The following ITPR1 variants were observed in gnomAD, a reference collection of about 807,000 sequenced individuals.
ITPR1 encodes the protein inositol 1,4,5-trisphosphate receptor type 1.
In ITPR1, 96 loss-of-function variants were observed where a neutral mutation model predicts 318.4. The observed-to-expected ratio is 0.30, with a 90% CI of 0.26 to 0.36. The LOEUF is 0.36. Ranked by LOEUF, ITPR1 falls within the 10% of genes least tolerant of loss-of-function variation. The pLI is 1.00. For missense variants in ITPR1, 2,440 were observed against 3,460.2 expected, an observed-to-expected ratio of 0.71 and a Z score of 7.40; for synonymous variants, 1,312 against 1,289.9, an observed-to-expected ratio of 1.02 and a Z score of -0.37.
intron 24 of ITPR1, among the ~76,000 whole-genome samples, chr3:4,679,991 C>T (rs2094265026): frequency 6.6e-6 from 1 of 152,092 alleles, no homozygotes; most frequent in Non-Finnish European, 1.5e-5. Flanking sequence ...CTTTTTGGTT[C>T]TAGCAGCAAT....
chr3:4,823,930 A>G (rs1433518321), intron 60 of ITPR1, among the ~76,000 whole-genome samples: 1 of 152,208 alleles, frequency 6.6e-6, no homozygotes, highest in African/African-American at 2.4e-5. Flanking sequence ...TTTCACTTCT[A>G]TATGTTGGAA....
intron 10 of ITPR1, among the ~76,000 whole-genome samples, chr3:4,650,606 A>AGTGTGT (rs1177734281): frequency 1.7e-4 from 23 of 137,388 alleles, no homozygotes; most frequent in African/African-American, 4.3e-4. Context: ...GATATGCCTT[A>AGTGTGT]GTGTGTGTGT....
intron 33 of ITPR1, among the ~76,000 whole-genome samples, chr3:4,695,035 T>C (rs2125251906): frequency 6.6e-6 from 1 of 152,366 alleles, no homozygotes; most frequent in East Asian, 1.9e-4. Flanking sequence ...CACTGTAACT[T>C]CTTTTCATAT....
intron 5 of ITPR1, 124 bp downstream of exon 5, chr3:4,628,002 T>C: frequency 1.6e-6 from 1 of 612,138 alleles, no homozygotes; most frequent in Non-Finnish European, 2.8e-6. Flanking sequence ...TTCTACTTTT[T>C]TTTTCGTGAA....
intron 4 of ITPR1, among the ~76,000 whole-genome samples, chr3:4,531,758 C>T (rs886666358): frequency 1.3e-5 from 2 of 152,162 alleles, no homozygotes; most frequent in African/African-American, 4.8e-5. Context: ...CCTGGACCCC[C>T]CAGTCTTTCT....
intron 44 of ITPR1, among the ~76,000 whole-genome samples, chr3:4,759,709 T>C (rs2045295815): frequency 6.6e-6 from 1 of 152,202 alleles, no homozygotes; most frequent in Non-Finnish European, 1.5e-5. Context: ...TATCCTAAGA[T>C]GGTGTTTTGG....
intron 7 of ITPR1, among the ~76,000 whole-genome samples, chr3:4,642,462 A>G (rs1455246588): frequency 1.3e-5 from 2 of 152,200 alleles, no homozygotes; most frequent in Non-Finnish European, 1.5e-5. Context: ...TTCCTCCTGG[A>G]TGTCTGAAAA....
At chr3:4,509,796 C>T (rs1376235683) in intron 2 of ITPR1, among the ~76,000 whole-genome samples, 1 of 152,118 alleles carries the variant, frequency 6.6e-6, no homozygotes, top group Non-Finnish European at 1.5e-5. Flanking sequence ...GACCATAACT[C>T]TAAAAAACAA....
intron 61 of ITPR1, among the ~76,000 whole-genome samples, chr3:4,843,738 G>A (rs936763075): frequency 3.9e-5 from 6 of 152,200 alleles, no homozygotes; most frequent in South Asian, 4.1e-4. Context: ...GGGACGGAGG[G>A]AGGGTGGGCG....
intron 51 of ITPR1, among the ~76,000 whole-genome samples, chr3:4,784,980 T>C (rs997034767): frequency 1.2e-4 from 18 of 152,160 alleles, no homozygotes; most frequent in African/African-American, 4.3e-4. Flanking sequence ...ATCTAGGGAA[T>C]GCTCAAATTA....
intron 53 of ITPR1, among the ~76,000 whole-genome samples, chr3:4,797,536 G>A (rs750464060): frequency 2.6e-5 from 4 of 152,090 alleles, no homozygotes; most frequent in Non-Finnish European, 4.4e-5. Context: ...AAGTATCACC[G>A]CCCCTCCACC....
chr3:4,600,464 T>C (rs538875872), intron 4 of ITPR1, among the ~76,000 whole-genome samples: 3 of 151,392 alleles, frequency 2.0e-5, no homozygotes, highest in African/African-American at 4.8e-5. Context: ...AAGGGTACCA[T>C]CTCTACGGAC....
chr3:4,630,120 A>G (rs2092967417), intron 5 of ITPR1, among the ~76,000 whole-genome samples: 1 of 152,200 alleles, frequency 6.6e-6, no homozygotes, highest in African/African-American at 2.4e-5. Context: ...AATAAATTAT[A>G]TAGTAAATTG....
intron 2 of ITPR1, among the ~76,000 whole-genome samples, chr3:4,512,651 C>G (rs765372697): frequency 6.6e-6 from 1 of 152,060 alleles, no homozygotes; most frequent in Non-Finnish European, 1.5e-5. Flanking sequence ...TTTCAGAATT[C>G]CACTTATCTC....
chr3:4,526,990 T>C (rs2083033277), intron 4 of ITPR1, among the ~76,000 whole-genome samples: 1 of 152,248 alleles, frequency 6.6e-6, no homozygotes, highest in Admixed American at 6.5e-5. Flanking sequence ...CCTGGCCTAC[T>C]GGGGAAAAGT....
rs572510924 is a variant in ITPR1 at position 4,679,807 on chromosome 3, T to C, written c.2968-746T>C. 9.9e-5 allele frequency among the ~76,000 whole-genome samples: 15 copies of C among 152,256 alleles called. No homozygotes were observed. In the South Asian group the frequency reaches 3.1e-3, roughly 32 times the overall value. On this transcript the variant is annotated intron_variant, in intron 24 of 61. Coordinates refer to ENST00000649015, the MANE Select transcript of ITPR1 (RefSeq NM_001378452.1). ...AGATAGCAAATAGGATGTCCAACAG[T>C]CTGTAGGACACATACACTGAGAGCA...
At chr3:4,748,691 A>G (rs754917127) in intron 44 of ITPR1, among the ~76,000 whole-genome samples, 7 of 152,146 alleles carry the variant, frequency 4.6e-5, no homozygotes, top group African/African-American at 9.7e-5. Context: ...TGTGAGTTGT[A>G]TGCCTGTCTT....
Position 4,637,992 on chromosome 3 carries a change from A to T in ITPR1, c.280-1392A>T, listed in dbSNP as rs537196593. On this transcript the variant is annotated intron_variant, in intron 5 of 61. Transcript: ENST00000649015. The stretch of plus-strand genomic sequence containing the variant: ...CTGGCATACATTTTCTCTGATCTCT[A>T]CGATGGCCCTAAAAGGCTTGTATTG... Among the ~76,000 whole-genome samples, 23 of 152,314 alleles carry T rather than the reference A, an allele frequency of 1.5e-4. 1 individual carries two copies. The South Asian group carries it at 4.8e-3, about 32-fold the overall frequency.
intron 44 of ITPR1, among the ~76,000 whole-genome samples, chr3:4,760,063 G>A (rs527871814): frequency 6.6e-6 from 1 of 152,242 alleles, no homozygotes; most frequent in Non-Finnish European, 1.5e-5. Context: ...CTTTGACTCC[G>A]GCCTCACTGC....
Sources: allele counts gnomAD v4.1 joint callset (sites outside exome capture counted in the v4.1 genomes callset), GRCh38; gene constraint gnomAD v4.1.1; transcripts MANE v1.5; gene names NCBI Gene and HGNC (gene_info 2026-07-23, HGNC 2026-07-21).